Variants in SEMA5A observed in about 807,000 individuals in gnomAD.
The protein encoded by SEMA5A is semaphorin-5A.
A neutral mutation model predicts 135.5 loss-of-function variants in SEMA5A; 55 were observed. The ratio of observed to expected loss-of-function variants is 0.41; its 90% CI spans 0.33 to 0.51. The LOEUF is 0.51. SEMA5A is among the 20% of genes least tolerant of loss of function. The pLI, the probability that SEMA5A is intolerant of heterozygous loss-of-function variation, is 0.37. For missense variants in SEMA5A, 1,290 were observed against 1,419.9 expected, an observed-to-expected ratio of 0.91 and a Z score of 1.47; for synonymous variants, 580 against 546.5, an observed-to-expected ratio of 1.06 and a Z score of -0.85.
At chr5:9,370,958 A>T (rs980294224) in intron 3 of SEMA5A, among the ~76,000 whole-genome samples, 5 of 152,358 alleles carry the variant, frequency 3.3e-5, no homozygotes, top group Non-Finnish European at 5.9e-5. Context: ...GCTTAGAAAG[A>T]TTATAATATA....
At chr5:9,061,978 C>T (rs1254512164) in intron 18 of SEMA5A, among the ~76,000 whole-genome samples, 1 of 151,974 alleles carries the variant, frequency 6.6e-6, no homozygotes, top group Non-Finnish European at 1.5e-5. Flanking sequence ...AGGGCTGGGT[C>T]CATCAGTGGC....
intron 16 of SEMA5A, among the ~76,000 whole-genome samples, chr5:9,068,365 C>A (rs922999667): frequency 3.9e-5 from 6 of 152,174 alleles, no homozygotes; most frequent in Non-Finnish European, 5.9e-5. Context: ...TCTTCAGAGA[C>A]CCCTGAGAAG....
chr5:9,049,590 C>A (rs1483891198), intron 21 of SEMA5A, among the ~76,000 whole-genome samples: 1 of 152,224 alleles, frequency 6.6e-6, no homozygotes, highest in Admixed American at 6.5e-5. Flanking sequence ...GGGCTGGGCT[C>A]TCTGAGACAC....
Position 9,226,866 on chromosome 5 carries a change from T to A in SEMA5A, c.432+3A>T. On this transcript the variant is annotated splice_donor_region_variant and intron_variant, in intron 7 of 22. Transcript: ENST00000382496. ...TCTTTTGAGGCACAAAAAGAAGCCA[T>A]ACCGAGCGGTTGGTGCAGACAGGCG... is the stretch of plus-strand genomic sequence containing the variant. 6.2e-7 allele frequency: 1 copy of A among 1,602,342 alleles called. No homozygotes were observed. The highest frequency in any genetic ancestry group is 8.5e-7 in the Non-Finnish European group (1 of 1,173,274).
chr5:9,522,147 C>T (rs1736868290), intron 1 of SEMA5A, among the ~76,000 whole-genome samples: 2 of 152,146 alleles, frequency 1.3e-5, no homozygotes, highest in African/African-American at 2.4e-5. Flanking sequence ...CCACACATGA[C>T]TCAAGAAAGG....
intron 1 of SEMA5A, among the ~76,000 whole-genome samples, chr5:9,488,829 A>G (rs1734857140): frequency 6.6e-6 from 1 of 152,234 alleles, no homozygotes; most frequent in South Asian, 2.1e-4. Flanking sequence ...GAAGAATGTT[A>G]GAAATCTATG....
intron 2 of SEMA5A, among the ~76,000 whole-genome samples, chr5:9,419,235 T>G (rs1272458186): frequency 6.6e-6 from 1 of 152,240 alleles, no homozygotes. Context: ...GAGAGTGTCC[T>G]TGGTATGATT....
intron 2 of SEMA5A, among the ~76,000 whole-genome samples, chr5:9,419,403 C>T (rs533305859): frequency 6.6e-5 from 10 of 152,118 alleles, no homozygotes; most frequent in African/African-American, 2.4e-4. Context: ...AGAGTGTGTG[C>T]CTCACTTAGA....
intron 11 of SEMA5A, among the ~76,000 whole-genome samples, chr5:9,176,683 C>T (rs1335506732): frequency 6.6e-6 from 1 of 152,166 alleles, no homozygotes; most frequent in African/African-American, 2.4e-5. Context: ...AAAAAGGGGC[C>T]CCAGTTCTGG....
Position 9,054,178 on chromosome 5 carries a change from G to A in SEMA5A, c.2598C>T (p.Arg866=). 6.2e-7 allele frequency: 1 copy of A among 1,614,066 alleles called. No individual in the cohort carries two copies. Among genetic ancestry groups the A allele is most frequent in the Non-Finnish European group, 8.5e-7 (1 of 1,180,008 alleles). ...AGGCCGGGGCTGGATTGGAGCAAGA[G>A]CGGGTCCTCATATAGTGTCCACCGC... The part of the protein sequence containing the change: ...TCGGGHYMRT[R]SCSNPAPAYG... The change falls in exon 19 of 23, where the codon CGC becomes CGT. Residue 866 remains arginine, a synonymous_variant. Coordinates refer to ENST00000382496, the MANE Select transcript of SEMA5A (RefSeq NM_003966.3).
chr5:9,493,297 C>CTA lies in SEMA5A; in HGVS notation c.-175+52285_-175+52286dup, dbSNP rs1187898571. 5.8e-5 allele frequency among the ~76,000 whole-genome samples: 8 copies of CTA among 138,812 alleles called. No homozygotes were observed. The Admixed American group carries it at 5.9e-4, about 10-fold the overall frequency. 91.1% of individuals were successfully genotyped at this position (138,812 alleles called of 152,430 possible). A position where few individuals can be genotyped will look rare whatever the true frequency, so the allele number is the denominator to read the frequency against. On this transcript the variant is annotated intron_variant, in intron 1 of 22. Transcript: ENST00000382496. ...TATGTAGCAGCATCTATCTATCTATCTATATATATAAAACATTATATATAT... is the reference window on the plus strand; with the variant it reads ...TATGTAGCAGCATCTATCTATCTATCTATATATATATAAAACATTATATATAT...
chr5:9,147,653 T>C (rs1163655454), intron 12 of SEMA5A, among the ~76,000 whole-genome samples: 2 of 149,360 alleles, frequency 1.3e-5, no homozygotes, highest in Non-Finnish European at 3.0e-5. Context: ...ATATGTAAGC[T>C]ATAATACTTC....
At chr5:9,527,616 C>G (rs1737206930) in intron 1 of SEMA5A, among the ~76,000 whole-genome samples, 1 of 152,206 alleles carries the variant, frequency 6.6e-6, no homozygotes, top group African/African-American at 2.4e-5. Flanking sequence ...ACAAGAATTT[C>G]TATTTCTTGA....
chr5:9,170,366 C>A (rs912236857), intron 11 of SEMA5A, among the ~76,000 whole-genome samples: 13 of 152,172 alleles, frequency 8.5e-5, no homozygotes, highest in African/African-American at 3.1e-4. Flanking sequence ...TGCCATACTC[C>A]ACTACCCAAC....
intron 1 of SEMA5A, among the ~76,000 whole-genome samples, chr5:9,453,874 T>C (rs1758737044): frequency 6.6e-6 from 1 of 152,262 alleles, no homozygotes; most frequent in Admixed American, 6.5e-5. Flanking sequence ...TGACACAGGA[T>C]CATCACAGGC....
intron 3 of SEMA5A, among the ~76,000 whole-genome samples, chr5:9,376,892 C>T (rs194264): frequency 0.13 from 20,134 of 152,036 alleles, 1,458 homozygotes; most frequent in Non-Finnish European, 0.15. Context: ...ATTTACAAAA[C>T]GACATATGCA....
At chr5:9,305,683 CAG>C (rs2150625986) in intron 5 of SEMA5A, among the ~76,000 whole-genome samples, 1 of 138,626 alleles carries the variant, frequency 7.2e-6, no homozygotes, top group African/African-American at 2.7e-5. Flanking sequence ...TCTCAATATA[CAG>C]TATATATACT....
At chr5:9,121,390 T>C (rs1225538356) in intron 14 of SEMA5A, among the ~76,000 whole-genome samples, 1 of 152,210 alleles carries the variant, frequency 6.6e-6, no homozygotes, top group Non-Finnish European at 1.5e-5. Context: ...CTAGTTCACT[T>C]TCTAGATTTT....
At chr5:9,524,789 T>C (rs1407494995) in intron 1 of SEMA5A, among the ~76,000 whole-genome samples, 12 of 152,198 alleles carry the variant, frequency 7.9e-5, no homozygotes, top group Non-Finnish European at 4.4e-5. Context: ...AACACTTTTT[T>C]TGGGTGACTT....
Sources: gnomAD v4.1 joint callset for allele counts (sites outside exome capture counted in the v4.1 genomes callset) on GRCh38, gnomAD v4.1.1 for gene constraint, MANE v1.5 for transcripts, NCBI Gene and HGNC (gene_info 2026-07-23, HGNC 2026-07-21) for gene names.